The following AQP9 variants were observed in gnomAD, a reference collection of about 807,000 sequenced individuals.
The protein encoded by AQP9 is aquaporin 9.
Under a neutral mutation model 23.8 loss-of-function variants are expected in AQP9, and 19 were observed. The ratio of observed to expected loss-of-function variants is 0.80; its 90% CI spans 0.56 to 1.17. AQP9 has a LOEUF of 1.17. Ranked by LOEUF, AQP9 falls within the 50% of genes most tolerant of loss-of-function variation. The pLI, the probability that AQP9 is intolerant of heterozygous loss-of-function variation, is 0.00. For missense variants in AQP9, 413 were observed against 362.0 expected (o/e 1.14, Z -1.14); for synonymous variants, 153 against 131.5 (o/e 1.16, Z -1.12).
chr15:58,159,665 G>A (rs1312049154), intron 1 of AQP9, among the ~76,000 whole-genome samples: 7 of 151,716 alleles, frequency 4.6e-5, no homozygotes, highest in Admixed American at 6.6e-5. Context: ...TCTTTCCTCC[G>A]CCCTTTCTTG....
intron 5 of AQP9, among the ~76,000 whole-genome samples, chr15:58,182,030 A>T (rs1408669002): frequency 6.6e-6 from 1 of 152,142 alleles, no homozygotes; most frequent in Non-Finnish European, 1.5e-5. Flanking sequence ...CCAGGTCCCC[A>T]TGTACTCCTG....
At chr15:58,171,246 C>A (rs1377258556) in intron 2 of AQP9, among the ~76,000 whole-genome samples, 3 of 152,110 alleles carry the variant, frequency 2.0e-5, no homozygotes, top group African/African-American at 7.2e-5. Flanking sequence ...TGCCACCACG[C>A]CCAGCTAATT....
intron 4 of AQP9, among the ~76,000 whole-genome samples, chr15:58,175,326 T>C (rs1279912949): frequency 6.6e-6 from 1 of 152,188 alleles, no homozygotes; most frequent in Non-Finnish European, 1.5e-5. Context: ...ACAAATGGAC[T>C]TCACTTCACT....
At chr15:58,160,162 T>C (rs540383612) in intron 1 of AQP9, among the ~76,000 whole-genome samples, 1 of 152,308 alleles carries the variant, frequency 6.6e-6, no homozygotes, top group African/African-American at 2.4e-5. Flanking sequence ...ACATCCATTA[T>C]TCCCTTTTTG....
In AQP9 at chr15:58,143,302, C is replaced by G. The variant is rs137923148; in HGVS notation, c.111+4626C>G. The stretch of plus-strand genomic sequence containing the variant: ...GCCTTGAAGCAAGAGTTTAAAGACT[C>G]GAGGCTGTCTTCTGTCAAATATGAT... On this transcript the variant is annotated intron_variant, in intron 1 of 5. Transcript: ENST00000219919. 2.2e-3 allele frequency among the ~76,000 whole-genome samples: 342 copies of G among 152,210 alleles called. 4 individuals carry two copies. Among genetic ancestry groups the G allele is most frequent in the African/African-American group, 7.2e-3 (299 of 41,504 alleles).
chr15:58,142,967 C>T (rs1447967370), intron 1 of AQP9, among the ~76,000 whole-genome samples: 1 of 152,152 alleles, frequency 6.6e-6, no homozygotes, highest in Non-Finnish European at 1.5e-5. Context: ...GTGCACCATC[C>T]TCAGGCCCTC....
chr15:58,162,487 T>G (rs72743576), intron 1 of AQP9, among the ~76,000 whole-genome samples: 1 of 152,154 alleles, frequency 6.6e-6, no homozygotes, highest in African/African-American at 2.4e-5. Context: ...CTGCCTAATG[T>G]GGTAATGAGC....
intron 1 of AQP9, chr15:58,150,377 A>G (rs1302914014): frequency 6.6e-6 from 1 of 152,626 alleles, no homozygotes; most frequent in Non-Finnish European, 1.5e-5. Context: ...AACATTCTTT[A>G]TAGCCACAGG....
At chr15:58,171,834 GATCATCATC>G (rs34291701) in intron 2 of AQP9, among the ~76,000 whole-genome samples, 24 of 149,944 alleles carry the variant, frequency 1.6e-4, no homozygotes, top group African/African-American at 3.4e-4. Context: ...TTCTGTGCAG[GATCATCATC>G]ATCATCATCA....
chr15:58,174,517 C>CCTCAAATT (rs1341998351), intron 3 of AQP9, among the ~76,000 whole-genome samples: 1 of 152,094 alleles, frequency 6.6e-6, no homozygotes, highest in East Asian at 1.9e-4. Flanking sequence ...ACTGCAACAC[C>CCTCAAATT]CTCAAATTCT....
intron 5 of AQP9, among the ~76,000 whole-genome samples, chr15:58,180,936 T>TCAAAAAC (rs1231690138): frequency 1.3e-5 from 2 of 152,200 alleles, no homozygotes; most frequent in Non-Finnish European, 2.9e-5. Flanking sequence ...CAATGGAGCA[T>TCAAAAAC]CAAAAACATA....
chr15:58,144,110 G>T (rs1897997600), intron 1 of AQP9, among the ~76,000 whole-genome samples: 1 of 152,056 alleles, frequency 6.6e-6, no homozygotes, highest in South Asian at 2.1e-4. Flanking sequence ...TAAACGTTTA[G>T]GTGCCTCTTT....
chr15:58,165,355 T>C (rs1157505055), intron 1 of AQP9, among the ~76,000 whole-genome samples: 1 of 152,202 alleles, frequency 6.6e-6, no homozygotes. Context: ...AATGAATATG[T>C]GGGGCCCATT....
intron 1 of AQP9, chr15:58,154,199 C>G (rs1898202575): frequency 6.6e-6 from 1 of 152,114 alleles, no homozygotes; most frequent in Non-Finnish European, 1.5e-5. Context: ...ACAGCTCCCC[C>G]AACTCAAGTC....
At chr15:58,162,713 A>G (rs1898409224) in intron 1 of AQP9, among the ~76,000 whole-genome samples, 1 of 152,206 alleles carries the variant, frequency 6.6e-6, no homozygotes, top group African/African-American at 2.4e-5. Context: ...ATTGTAAAGA[A>G]GCCAGGCCCC....
At chr15:58,165,057 G>A (rs765956233) in intron 1 of AQP9, among the ~76,000 whole-genome samples, 1 of 151,844 alleles carries the variant, frequency 6.6e-6, no homozygotes, top group Non-Finnish European at 1.5e-5. Context: ...CTCTTTTCCT[G>A]CCCCTAAATA....
intron 1 of AQP9, among the ~76,000 whole-genome samples, chr15:58,158,899 C>A (rs1284127263): frequency 6.6e-6 from 1 of 152,170 alleles, no homozygotes; most frequent in African/African-American, 2.4e-5. Context: ...CTACGGAATT[C>A]CTAAACTTCA....
At chr15:58,158,705 A>G (rs966225194) in intron 1 of AQP9, among the ~76,000 whole-genome samples, 5 of 152,208 alleles carry the variant, frequency 3.3e-5, no homozygotes, top group Non-Finnish European at 7.3e-5. Context: ...TATACACTAC[A>G]ACATTCTTTT....
chr15:58,158,018 C>A (rs1356897283), intron 1 of AQP9, among the ~76,000 whole-genome samples: 3 of 152,122 alleles, frequency 2.0e-5, no homozygotes, highest in Non-Finnish European at 2.9e-5. Flanking sequence ...AGACCAGGAA[C>A]TATAAGGAGA....
Sources: gnomAD v4.1 joint callset for allele counts (sites outside exome capture counted in the v4.1 genomes callset) on GRCh38, gnomAD v4.1.1 for gene constraint, MANE v1.5 for transcripts, NCBI Gene and HGNC (gene_info 2026-07-23, HGNC 2026-07-21) for gene names.